Variants in SHANK2 observed in about 807,000 individuals in gnomAD.
The protein encoded by SHANK2 is SH3 and multiple ankyrin repeat domains protein 2.
A neutral mutation model predicts 133.7 loss-of-function variants in SHANK2; 43 were observed. The observed-to-expected ratio is 0.32, with a 90% CI of 0.25 to 0.41. SHANK2 has a LOEUF of 0.41. Among genes scored for constraint, SHANK2 ranks in the 10% least tolerant of loss-of-function variants. The probability of loss-of-function intolerance (pLI) is 1.00; values close to 1 mark genes in which losing one functional copy is unlikely to be tolerated. For synonymous variants in SHANK2, 1,017 were observed against 952.8 expected, an observed-to-expected ratio of 1.07 and a Z score of -1.24; for missense variants, 1,994 against 2,235.8, an observed-to-expected ratio of 0.89 and a Z score of 2.18.
At chr11:70,527,525 C>G (rs531195060) in intron 17 of SHANK2, among the ~76,000 whole-genome samples, 2 of 152,204 alleles carry the variant, frequency 1.3e-5, no homozygotes, top group Non-Finnish European at 2.9e-5. Context: ...GCTCCTCACT[C>G]AGAAGGGCAG....
intron 11 of SHANK2, among the ~76,000 whole-genome samples, chr11:70,891,279 C>T (rs1555074679): frequency 1.3e-5 from 2 of 152,248 alleles, no homozygotes; most frequent in African/African-American, 2.4e-5. Context: ...CTTTGGGAGG[C>T]CGAGGCGGGC....
At chr11:71,223,300 G>A (rs1954587825) in intron 2 of SHANK2, among the ~76,000 whole-genome samples, 1 of 152,216 alleles carries the variant, frequency 6.6e-6, no homozygotes, top group East Asian at 1.9e-4. Context: ...CATTCTCATG[G>A]GGTGGTGGAA....
intron 14 of SHANK2, among the ~76,000 whole-genome samples, chr11:70,723,895 G>T (rs1946120299): frequency 6.6e-6 from 1 of 151,986 alleles, no homozygotes; most frequent in South Asian, 2.1e-4. Context: ...ACTCTCCTAG[G>T]TGCTCTTCTG....
intron 17 of SHANK2, among the ~76,000 whole-genome samples, chr11:70,620,400 C>T (rs979315911): frequency 6.6e-6 from 1 of 152,144 alleles, no homozygotes; most frequent in Non-Finnish European, 1.5e-5. Flanking sequence ...GGTGGCTGTC[C>T]ATGAAGTACT....
intron 10 of SHANK2, among the ~76,000 whole-genome samples, chr11:70,915,312 C>A (rs1950254891): frequency 6.6e-6 from 1 of 152,134 alleles, no homozygotes; most frequent in South Asian, 2.1e-4. Flanking sequence ...TGTACACACA[C>A]CCCCAAAAAA....
chr11:71,238,559 C>T (rs1258162763), intron 1 of SHANK2, among the ~76,000 whole-genome samples: 2 of 152,210 alleles, frequency 1.3e-5, no homozygotes, highest in Non-Finnish European at 2.9e-5. Context: ...ATGAACCCAA[C>T]ACTCCCCAAA....
intron 14 of SHANK2, among the ~76,000 whole-genome samples, chr11:70,743,936 C>T (rs1946585548): frequency 6.6e-6 from 1 of 152,192 alleles, no homozygotes; most frequent in Non-Finnish European, 1.5e-5. Context: ...TTCCTAAGAC[C>T]CCGTCCACTG....
chr11:70,609,035 C>T (rs566586240), intron 17 of SHANK2, among the ~76,000 whole-genome samples: 97 of 152,354 alleles, frequency 6.4e-4, no homozygotes, highest in Non-Finnish European at 7.2e-4. Context: ...AAACGGGAGA[C>T]GTCTCAAGGG....
At chr11:70,590,617 A>C (rs1554987795) in intron 17 of SHANK2, among the ~76,000 whole-genome samples, 1 of 152,232 alleles carries the variant, frequency 6.6e-6, no homozygotes, top group East Asian at 1.9e-4. Context: ...CCAACAGCAA[A>C]ATTATGATGA....
Position 70,831,000 on chromosome 11 carries a change from G to A in SHANK2, c.1175-10318C>T, listed in dbSNP as rs1238096686. On this transcript the variant is annotated intron_variant, in intron 11 of 25. Transcript: ENST00000601538. This position sits in a 1 kb window ranked among gnomAD's most constrained non-coding sequence, Gnocchi z 4.4. ...TACAACGACCCTGGAGGCTTGTGCC[G>A]GCCACATTCCTACTGAATGCAGATG... is the stretch of plus-strand genomic sequence containing the variant. Among the ~76,000 whole-genome samples the A allele has an allele frequency of 3.3e-5, 5 of 152,234 alleles. No individual in the cohort carries two copies. The highest frequency in any genetic ancestry group is 2.9e-5 in the Non-Finnish European group (2 of 68,050).
chr11:70,599,117 A>C (rs1554990183), intron 17 of SHANK2, among the ~76,000 whole-genome samples: 1 of 152,186 alleles, frequency 6.6e-6, no homozygotes, highest in Non-Finnish European at 1.5e-5. Flanking sequence ...AGAATTAATA[A>C]GAGAATTCAG....
intron 11 of SHANK2, among the ~76,000 whole-genome samples, chr11:70,881,629 C>T (rs1277481589): frequency 1.3e-5 from 2 of 150,938 alleles, no homozygotes; most frequent in African/African-American, 2.4e-5. Context: ...GGATTGTCCT[C>T]TTCTGGGTAG....
At chr11:70,661,860 C>T (rs138946563) in intron 15 of SHANK2, 182 bp from the exon 16 acceptor site, 2,149 of 1,559,060 alleles carry the variant, frequency 1.4e-3, no homozygotes, top group Non-Finnish European at 1.7e-3. Context: ...AGGGGGGTGG[C>T]TACCGGGATA....
At chr11:70,949,160 T>C (rs7101450) in intron 10 of SHANK2, among the ~76,000 whole-genome samples, 35,036 of 152,170 alleles carry the variant, frequency 0.23, 4,891 homozygotes, top group Non-Finnish European at 0.31. Context: ...ATAAAAATAA[T>C]GATTTGCTTG....
chr11:70,812,311 G>A (rs568364886), intron 12 of SHANK2, among the ~76,000 whole-genome samples: 1 of 152,224 alleles, frequency 6.6e-6, no homozygotes. Flanking sequence ...TGGTGTACAC[G>A]GTTGCAGGCA....
At chr11:71,173,098 A>G (rs1178024139) in intron 2 of SHANK2, among the ~76,000 whole-genome samples, 2 of 152,220 alleles carry the variant, frequency 1.3e-5, no homozygotes, top group Non-Finnish European at 2.9e-5. Context: ...AGTGTCTTAT[A>G]AATCACGCCT....
chr11:71,092,507 C>T lies in SHANK2; in HGVS notation c.827G>A (p.Gly276Asp). 1 of 1,551,732 alleles carries T rather than the reference C, an allele frequency of 6.4e-7. No homozygotes were observed. The highest frequency in any genetic ancestry group is 8.7e-7 in the Non-Finnish European group (1 of 1,147,026). ...GAGAAGCTCGCAGCAGTAGGGATCA[C>T]CTCCGACGATGGCTGTGTGATACAG... ...TPLYHTAIVG[G>D]DPYCCELLLH... Residue 276 changes from glycine (G) to aspartate (D), a missense_variant, in exon 8 of 26, where the codon GGT becomes GAT. This residue lies in a region of SHANK2 where 653 missense variants were observed against 563.4 expected (regional missense o/e 1.16). Transcript: ENST00000601538.
At chr11:70,876,039 C>A (rs181917958) in intron 11 of SHANK2, among the ~76,000 whole-genome samples, 1 of 151,834 alleles carries the variant, frequency 6.6e-6, no homozygotes, top group African/African-American at 2.4e-5. Flanking sequence ...GCCTGTAATC[C>A]CAGCTACTTG....
rs1195094438 is a variant in SHANK2 at position 70,502,709 on chromosome 11, CCCACTGCCCCCCAGCT to C, written c.2197+71_2197+86del. On this transcript the variant is annotated intron_variant, in intron 18 of 25. Coordinates refer to ENST00000601538, the MANE Select transcript of SHANK2 (RefSeq NM_012309.5). Reference sequence around the variant, plus strand: ...AGTGTGGGATCAGCTGGAGAGAGGGCCCACTGCCCCCCAGCTGTCCTGCCCGCCCCCACCCCCCCCC... The same window carrying C: ...AGTGTGGGATCAGCTGGAGAGAGGGCGTCCTGCCCGCCCCCACCCCCCCCC... 1.2e-5 allele frequency: 16 copies of C among 1,380,292 alleles called. No individual in the cohort carries two copies. The South Asian group carries it at 2.1e-4, about 18-fold the overall frequency. The allele number at this position is 1,380,292 out of a possible 1,614,324, so 85.5% of individuals were successfully genotyped here. A position where few individuals can be genotyped will look rare whatever the true frequency, so the allele number is the denominator to read the frequency against.
Sources: gnomAD v4.1 joint callset for allele counts (sites outside exome capture counted in the v4.1 genomes callset) on GRCh38, gnomAD v4.1.1 for gene constraint, gnomAD v4.1.1 regional missense constraint, Gnocchi (gnomAD v3.1) non-coding constraint, MANE v1.5 for transcripts, NCBI Gene and HGNC (gene_info 2026-07-23, HGNC 2026-07-21) for gene names.